Variants in OXR1 observed in about 807,000 individuals in gnomAD.
OXR1 encodes oxidation resistance protein 1.
In OXR1, 41 loss-of-function variants were observed where a neutral mutation model predicts 104.6. The observed-to-expected ratio is 0.39, with a 90% CI of 0.31 to 0.51. The LOEUF is 0.51. Among genes scored for constraint, OXR1 ranks in the 20% least tolerant of loss-of-function variants. The probability of loss-of-function intolerance (pLI) is 0.77; values close to 1 mark genes in which losing one functional copy is unlikely to be tolerated. For missense variants in OXR1, 955 were observed against 1,031.9 expected (o/e 0.93, Z 1.02); for synonymous variants, 348 against 348.4 (o/e 1.00, Z 0.01).
At chr8:106,364,835 G>A (rs940666745) in intron 2 of OXR1, among the ~76,000 whole-genome samples, 9 of 152,154 alleles carry the variant, frequency 5.9e-5, no homozygotes, top group Non-Finnish European at 1.2e-4. Context: ...TTTTAAGGAG[G>A]TGGAATGGGG....
intron 3 of OXR1, among the ~76,000 whole-genome samples, chr8:106,538,328 TA>T (rs1586778231): frequency 6.6e-6 from 1 of 152,240 alleles, no homozygotes; most frequent in Non-Finnish European, 1.5e-5. Flanking sequence ...TGGATACAAG[TA>T]AAAATGAAAT....
At chr8:106,641,337 A>G (rs904502889) in intron 3 of OXR1, among the ~76,000 whole-genome samples, 4 of 152,202 alleles carry the variant, frequency 2.6e-5, no homozygotes, top group African/African-American at 4.8e-5. Flanking sequence ...GCCCAGAAAG[A>G]TATGTCAGGA....
chr8:106,537,425 A>G (rs1248233190), intron 3 of OXR1, among the ~76,000 whole-genome samples: 1 of 152,138 alleles, frequency 6.6e-6, no homozygotes, highest in African/African-American at 2.4e-5. Context: ...TTAAAAACGG[A>G]GGAGCTCATA....
intron 3 of OXR1, among the ~76,000 whole-genome samples, chr8:106,654,596 T>C (rs1041996197): frequency 6.6e-6 from 1 of 152,154 alleles, no homozygotes; most frequent in African/African-American, 2.4e-5. Context: ...ATCAAAGTCC[T>C]ATGTTAGATC....
At chr8:106,655,801 G>C (rs1443660461) in intron 3 of OXR1, among the ~76,000 whole-genome samples, 1 of 152,076 alleles carries the variant, frequency 6.6e-6, no homozygotes, top group Non-Finnish European at 1.5e-5. Context: ...AGATTGTAAG[G>C]CATTCAGTCA....
intron 2 of OXR1, among the ~76,000 whole-genome samples, chr8:106,382,552 A>G (rs1354565231): frequency 6.6e-6 from 1 of 152,038 alleles, no homozygotes; most frequent in East Asian, 1.9e-4. Flanking sequence ...GTTAGGACCT[A>G]GGCTTCCTGC....
At chr8:106,335,777 T>C (rs35335895) in intron 1 of OXR1, among the ~76,000 whole-genome samples, 14,483 of 152,180 alleles carry the variant, frequency 0.095, 898 homozygotes, top group East Asian at 0.17. Context: ...TCAGATAATA[T>C]AGACACATGA....
intron 3 of OXR1, among the ~76,000 whole-genome samples, chr8:106,676,521 G>A (rs952231619): frequency 6.6e-6 from 1 of 152,072 alleles, no homozygotes; most frequent in African/African-American, 2.4e-5. Flanking sequence ...TTGCTCTTAT[G>A]GAAAGGATCT....
chr8:106,601,386 GCCCAAGACTGAGGC>G, intron 3 of OXR1, among the ~76,000 whole-genome samples: 1 of 152,132 alleles, frequency 6.6e-6, no homozygotes, highest in Non-Finnish European at 1.5e-5. Flanking sequence ...AAGCTGGAAA[GCCCAAGACTGAGGC>G]GCAAGCAGAT....
chr8:106,612,990 C>G (rs181239321), intron 3 of OXR1, among the ~76,000 whole-genome samples: 3 of 152,138 alleles, frequency 2.0e-5, no homozygotes, highest in Admixed American at 1.3e-4. Context: ...TGCTTTCAGG[C>G]AAGCGTTAGT....
intron 1 of OXR1, chr8:106,272,117 G>A: frequency 6.6e-6 from 1 of 152,158 alleles, no homozygotes; most frequent in Non-Finnish European, 1.5e-5. Context: ...AAAACACTAC[G>A]TTACTAGAAT....
intron 1 of OXR1, among the ~76,000 whole-genome samples, chr8:106,297,307 A>C (rs1489942378): frequency 6.6e-6 from 1 of 151,872 alleles, no homozygotes; most frequent in African/African-American, 2.4e-5. Context: ...TGGATTAGAT[A>C]ATTTTCCTAA....
At chr8:106,623,907 C>T (rs1336108489) in intron 3 of OXR1, among the ~76,000 whole-genome samples, 1 of 152,184 alleles carries the variant, frequency 6.6e-6, no homozygotes, top group East Asian at 1.9e-4. Flanking sequence ...CCCCAGACTA[C>T]CTCAATCTAT....
chr8:106,462,431 C>G (rs1820961869), intron 2 of OXR1, among the ~76,000 whole-genome samples: 1 of 152,092 alleles, frequency 6.6e-6, no homozygotes, highest in African/African-American at 2.4e-5. Flanking sequence ...TTCATATACT[C>G]TACAATTCCT....
At chr8:106,401,318 G>C (rs1817990948) in intron 2 of OXR1, among the ~76,000 whole-genome samples, 1 of 152,136 alleles carries the variant, frequency 6.6e-6, no homozygotes, top group African/African-American at 2.4e-5. Flanking sequence ...ATATCACGTT[G>C]AACCATTTGC....
chr8:106,293,971 T>G (rs1812867278), intron 1 of OXR1, among the ~76,000 whole-genome samples: 2 of 68,710 alleles, frequency 2.9e-5, no homozygotes, highest in East Asian at 1.9e-3. Flanking sequence ...TTTAATTTTT[T>G]TTTTTTTTTT....
chr8:106,707,702 A>G (rs1303164534), intron 9 of OXR1: 1 of 157,848 alleles, frequency 6.3e-6, no homozygotes, highest in Non-Finnish European at 1.4e-5. Flanking sequence ...GTTTTCTGGT[A>G]CTGTTTACTT....
intron 1 of OXR1, among the ~76,000 whole-genome samples, chr8:106,312,966 G>C (rs528528108): frequency 6.6e-6 from 1 of 152,246 alleles, no homozygotes; most frequent in South Asian, 2.1e-4. Flanking sequence ...GAACCACATA[G>C]TATGTATTTT....
chr8:106,707,868 T>C (rs1212429516), intron 9 of OXR1, among the ~76,000 whole-genome samples: 3 of 152,176 alleles, frequency 2.0e-5, no homozygotes, highest in Non-Finnish European at 4.4e-5. Context: ...ATGTGAACTT[T>C]TCTTTCATTT....
Sources: allele counts gnomAD v4.1 joint callset (sites outside exome capture counted in the v4.1 genomes callset), GRCh38; gene constraint gnomAD v4.1.1; transcripts MANE v1.5; gene names NCBI Gene and HGNC (gene_info 2026-07-23, HGNC 2026-07-21).